DNAJC6: variants seen among roughly 807,000 people sequenced by gnomAD.
DNAJC6 encodes DnaJ heat shock protein family (Hsp40) member C6, also known as auxilin.
DNAJC6 carries 34 observed loss-of-function variants against 110.0 expected under a neutral mutation model. The observed-to-expected ratio is 0.31, with a 90% confidence interval of 0.24 to 0.41. The LOEUF is 0.41. DNAJC6 is among the 10% of genes least tolerant of loss of function. DNAJC6 has a pLI of 1.00. For synonymous variants in DNAJC6, 406 were observed against 437.2 expected (o/e 0.93, Z 0.89); for missense variants, 1,031 against 1,207.8 (o/e 0.85, Z 2.17).
At chr1:65,377,098 T>G (rs761058729) in intron 4 of DNAJC6, among the ~76,000 whole-genome samples, 14 of 152,220 alleles carry the variant, frequency 9.2e-5, no homozygotes, top group Non-Finnish European at 1.9e-4. Context: ...AGACTCGTTT[T>G]GTGGACTATG....
chr1:65,385,826 G>A lies in DNAJC6; in HGVS notation c.915G>A (p.Arg305=). The A allele has an allele frequency of 6.2e-7, 1 of 1,614,104 alleles. No homozygotes were observed. Among genetic ancestry groups the A allele is most frequent in the Non-Finnish European group, 8.5e-7 (1 of 1,179,984 alleles). The change falls in exon 7 of 19, where the codon AGG becomes AGA. Residue 305 remains arginine, a synonymous_variant. Transcript: ENST00000371069. ...CAATACCCTTTTTCAACAAACAGAG[G>A]AATGGATGTCGCCCTTACTGTGATG... is the stretch of plus-strand genomic sequence containing the variant. ...VSPIPFFNKQ[R]NGCRPYCDVL...
At chr1:65,297,952 C>T (rs1358237548) in intron 1 of DNAJC6, among the ~76,000 whole-genome samples, 1 of 152,086 alleles carries the variant, frequency 6.6e-6, no homozygotes, top group Non-Finnish European at 1.5e-5. Flanking sequence ...GCAAGAAGAA[C>T]CCACTTTAAC....
chr1:65,323,263 C>T (rs559037365), intron 1 of DNAJC6, among the ~76,000 whole-genome samples: 64 of 152,240 alleles, frequency 4.2e-4, no homozygotes, highest in African/African-American at 1.5e-3. Context: ...AATTGTAATC[C>T]CCATTTGTCG....
chr1:65,407,736 G>A (rs1237421509), intron 16 of DNAJC6, among the ~76,000 whole-genome samples: 2 of 152,176 alleles, frequency 1.3e-5, no homozygotes, highest in African/African-American at 4.8e-5. Flanking sequence ...AGAAAACATT[G>A]AGGATGCAGC....
chr1:65,279,978 TC>T (rs148656809), intron 1 of DNAJC6: 5,203 of 154,412 alleles, frequency 0.034, 134 homozygotes, highest in Non-Finnish European at 0.052. Context: ...GTAGACAGGT[TC>T]CTTAACTTCT....
intron 1 of DNAJC6, among the ~76,000 whole-genome samples, chr1:65,319,628 T>TA (rs1241182133): frequency 1.4e-4 from 21 of 149,444 alleles, no homozygotes; most frequent in Admixed American, 5.3e-4. Context: ...CTGGAAAAAA[T>TA]AAAAAAAACA....
At chr1:65,411,514 C>A in intron 18 of DNAJC6, 88 bp downstream of exon 18, 2 of 1,251,740 alleles carry the variant, frequency 1.6e-6, no homozygotes, top group South Asian at 1.7e-5. Context: ...TGTGCTGGTT[C>A]ATATGGCCTA....
chr1:65,332,618 C>T (rs1198777889), intron 1 of DNAJC6, among the ~76,000 whole-genome samples: 1 of 152,158 alleles, frequency 6.6e-6, no homozygotes, highest in Non-Finnish European at 1.5e-5. Context: ...GTCAAATATA[C>T]TTTGCTTAGG....
intron 1 of DNAJC6, among the ~76,000 whole-genome samples, chr1:65,315,111 G>A (rs1013625386): frequency 6.6e-6 from 1 of 152,146 alleles, no homozygotes; most frequent in Non-Finnish European, 1.5e-5. Flanking sequence ...TACAAATTAT[G>A]TCTAATCCTT....
rs1646148969 is a variant in DNAJC6 at position 65,413,742 on chromosome 1, T to C, written c.*717T>C. On this transcript the variant is annotated 3_prime_UTR_variant, in exon 19 of 19. Transcript: ENST00000371069. Reference sequence around the variant, plus strand: ...AAATCTTTATTCCTGGTTAGGAAGGTGGGCCGCTACCCTTCTTTCCCTTTA... The same window carrying C: ...AAATCTTTATTCCTGGTTAGGAAGGCGGGCCGCTACCCTTCTTTCCCTTTA... 6.6e-6 allele frequency: 1 copy of C among 152,182 alleles called. No individual in the cohort carries two copies. Among genetic ancestry groups the C allele is most frequent in the African/African-American group, 2.4e-5 (1 of 41,438 alleles). The allele number at this position is 152,182 out of a possible 1,614,324, so 9.4% of individuals were successfully genotyped here. A position where few individuals can be genotyped will look rare whatever the true frequency, so the allele number is the denominator to read the frequency against.
intron 15 of DNAJC6, among the ~76,000 whole-genome samples, chr1:65,403,398 G>T (rs559522497): frequency 6.6e-6 from 1 of 152,156 alleles, no homozygotes; most frequent in African/African-American, 2.4e-5. Flanking sequence ...GTGGGAAGGG[G>T]TATCAGTTCA....
intron 1 of DNAJC6, among the ~76,000 whole-genome samples, chr1:65,348,693 G>GT (rs931858390): frequency 5.3e-5 from 8 of 150,710 alleles, no homozygotes; most frequent in African/African-American, 7.3e-5. Context: ...TATAATTTGT[G>GT]TTTTTTTTAT....
At chr1:65,298,248 C>G (rs1002168068) in intron 1 of DNAJC6, among the ~76,000 whole-genome samples, 3 of 152,184 alleles carry the variant, frequency 2.0e-5, no homozygotes, top group African/African-American at 7.2e-5. Flanking sequence ...ATCTGTTGGG[C>G]AGCAAGGCCT....
chr1:65,295,148 G>T (rs1272125146), intron 1 of DNAJC6, among the ~76,000 whole-genome samples: 1 of 152,202 alleles, frequency 6.6e-6, no homozygotes, highest in East Asian at 1.9e-4. Flanking sequence ...ACAAGTGACA[G>T]AGATGCAATC....
rs755753316 is a variant in DNAJC6 at position 65,393,662 on chromosome 1, A to G, written c.1903+797A>G. On this transcript the variant is annotated intron_variant, in intron 12 of 18. Transcript: ENST00000371069. ...TTTTTTGACATTTATAAGACAGTGTAGTTGGGTAAGCAGAGATCCAGCACA... is the reference window on the plus strand; with the variant it reads ...TTTTTTGACATTTATAAGACAGTGTGGTTGGGTAAGCAGAGATCCAGCACA... Among the ~76,000 whole-genome samples the G allele has an allele frequency of 3.2e-4, 48 of 152,252 alleles. 1 individual carries two copies. Among genetic ancestry groups the G allele is most frequent in the Middle Eastern group, 3.4e-3 (1 of 294 alleles).
chr1:65,328,107 A>T (rs1645257196), intron 1 of DNAJC6, among the ~76,000 whole-genome samples: 1 of 152,256 alleles, frequency 6.6e-6, no homozygotes, highest in African/African-American at 2.4e-5. Flanking sequence ...TAAACTACAT[A>T]AACACATACA....
chr1:65,375,337 C>T (rs1570345312), intron 4 of DNAJC6, among the ~76,000 whole-genome samples: 1 of 151,790 alleles, frequency 6.6e-6, no homozygotes, highest in African/African-American at 2.4e-5. Flanking sequence ...GAAATAATCA[C>T]GTATTTTTTG....
chr1:65,284,701 T>G (rs965424519), intron 1 of DNAJC6, among the ~76,000 whole-genome samples: 3 of 152,028 alleles, frequency 2.0e-5, no homozygotes, highest in African/African-American at 4.8e-5. Context: ...TTTGTTTTTT[T>G]TTTTGAGACG....
intron 4 of DNAJC6, among the ~76,000 whole-genome samples, chr1:65,377,813 T>C (rs1233256066): frequency 6.6e-6 from 1 of 152,178 alleles, no homozygotes; most frequent in African/African-American, 2.4e-5. Context: ...TCCTCCTGCC[T>C]CCCTTTCCCA....
Sources: allele counts gnomAD v4.1 joint callset (sites outside exome capture counted in the v4.1 genomes callset), GRCh38; gene constraint gnomAD v4.1.1; transcripts MANE v1.5; gene names NCBI Gene and HGNC (gene_info 2026-07-23, HGNC 2026-07-21).